Variants in FADS3 observed in about 807,000 individuals in gnomAD.
FADS3 encodes fatty acid desaturase 3.
Under a neutral mutation model 60.4 loss-of-function variants are expected in FADS3, and 30 were observed. That is an observed-to-expected ratio of 0.50 (90% CI 0.37 to 0.67). The LOEUF is 0.67. FADS3 is among the 30% of genes least tolerant of loss of function. The pLI is 0.00. For missense variants in FADS3, 432 were observed against 598.3 expected (o/e 0.72, Z 2.90); for synonymous variants, 234 against 249.3 (o/e 0.94, Z 0.58).
intron 3 of FADS3, 84 bp downstream of exon 3, chr11:61,879,228 G>T: frequency 2.5e-6 from 3 of 1,215,344 alleles, no homozygotes; most frequent in Non-Finnish European, 1.2e-6. Flanking sequence ...CATTCATTTA[G>T]CAAATATGTT....
At chr11:61,888,929 CTT>C (rs1320465245) in intron 1 of FADS3, among the ~76,000 whole-genome samples, 1 of 152,174 alleles carries the variant, frequency 6.6e-6, no homozygotes, top group Non-Finnish European at 1.5e-5. Context: ...GAGTTTTGCT[CTT>C]GTTGCCCAGG....
chr11:61,885,563 C>G (rs1938286614), intron 1 of FADS3, among the ~76,000 whole-genome samples: 1 of 152,208 alleles, frequency 6.6e-6, no homozygotes, highest in African/African-American at 2.4e-5. Flanking sequence ...AGTGGAGAAG[C>G]TGCTTCTCTG....
intron 11 of FADS3, among the ~76,000 whole-genome samples, chr11:61,874,593 G>C (rs1937799448): frequency 6.6e-6 from 1 of 152,166 alleles, no homozygotes; most frequent in Non-Finnish European, 1.5e-5. Context: ...AGCTTTCCAA[G>C]ATGCAAGCCG....
In FADS3 at chr11:61,876,427, T is replaced by C. The variant is rs1258014811; in HGVS notation, c.1012A>G (p.Ile338Val). Residue 338 changes from isoleucine (I) to valine (V), a missense_variant, in exon 9 of 12, where the codon ATC (isoleucine) becomes GTC (valine). Around this residue, in one of 5 missense-constraint regions of FADS3, gnomAD observed 48 missense variants for 101.3 expected, o/e 0.47. Coordinates refer to ENST00000278829, the MANE Select transcript of FADS3 (RefSeq NM_021727.5). This position sits in a 1 kb window ranked among gnomAD's most constrained non-coding sequence, Gnocchi z 5.7. ...RVLESHWFVW[I>V]TQMNHIPKEI... ...TTGGGGATGTGGTTCATCTGTGTGA[T>C]CCACACGAACCAGTGGCTTTCCAGG... The C allele has an allele frequency of 6.2e-7, 1 of 1,613,296 alleles. No individual in the cohort carries two copies. The highest frequency in any genetic ancestry group is 8.5e-7 in the Non-Finnish European group (1 of 1,180,014).
At chr11:61,878,420 G>A (rs174452) in intron 5 of FADS3, 92 bp downstream of exon 5, 132,742 of 1,535,722 alleles carry the variant, frequency 0.086, 6,680 homozygotes, top group Non-Finnish European at 0.1. Flanking sequence ...CCAGATCAGG[G>A]GCTAGGTCAG....
At chr11:61,880,271 G>A (rs1006165786) in intron 1 of FADS3, 120 bp from the exon 2 acceptor site, 5 of 728,872 alleles carry the variant, frequency 6.9e-6, no homozygotes, top group Admixed American at 4.7e-5. Context: ...AGGCGGACAG[G>A]AAGTCAGCCG....
chr11:61,878,788 C>T lies in FADS3; in HGVS notation c.582G>A (p.Trp194Ter). Residue 194 changes from tryptophan to a stop codon, truncating the protein, a stop_gained, in exon 4 of 12, where the codon TGG (tryptophan) becomes TGA (stop). Coordinates refer to ENST00000278829, the MANE Select transcript of FADS3 (RefSeq NM_021727.5). LOFTEE classifies it high-confidence loss of function. ...CGAACTTCTGGGCCACGTGGTTCCA[C>T]CAGGACTTCTTGAAGATGGAGGCAT... ...LGHASIFKKS[W>*]WNHVAQKFVM... 1 of 1,614,206 alleles carries T rather than the reference C, an allele frequency of 6.2e-7. No individual in the cohort carries two copies. The highest frequency in any genetic ancestry group is 8.5e-7 in the Non-Finnish European group (1 of 1,180,048).
intron 1 of FADS3, among the ~76,000 whole-genome samples, chr11:61,886,878 G>C (rs974779791): frequency 9.8e-5 from 15 of 152,330 alleles, no homozygotes; most frequent in Non-Finnish European, 1.8e-4. Flanking sequence ...TCCAGCTCAG[G>C]CCAGGCTCAG....
intron 2 of FADS3, 101 bp downstream of exon 2, chr11:61,879,940 G>C (rs1938065586): frequency 2.1e-6 from 2 of 944,644 alleles, no homozygotes; most frequent in South Asian, 3.3e-5. Flanking sequence ...CCCCTTGGGC[G>C]AATGCCGAGG....
intron 11 of FADS3, among the ~76,000 whole-genome samples, chr11:61,874,219 C>G (rs1324372716): frequency 6.6e-6 from 1 of 152,220 alleles, no homozygotes; most frequent in African/African-American, 2.4e-5. Context: ...TGGAACCTGC[C>G]CACCCGATCT....
Position 61,880,115 on chromosome 11 carries a change from C to T in FADS3, c.250G>A (p.Val84Met). ...AACAGGGGCTGTAGGAACTTGCGCA[C>T]AAAATTGAGATCTTGATGGAAGGCA... is the stretch of plus-strand genomic sequence containing the variant. Reference protein sequence around the residue: ...FRAFHQDLNFVRKFLQPLLIG... With the variant: ...FRAFHQDLNFMRKFLQPLLIG... Residue 84 changes from valine to methionine, a missense_variant, in exon 2 of 12, where the codon GTG (valine) becomes ATG (methionine). Around this residue, in one of 5 missense-constraint regions of FADS3, gnomAD observed 167 missense variants for 188.8 expected, o/e 0.88. Transcript: ENST00000278829. The T allele has an allele frequency of 6.2e-7, 1 of 1,614,086 alleles. No individual in the cohort carries two copies. The highest frequency in any genetic ancestry group is 8.5e-7 in the Non-Finnish European group (1 of 1,179,976).
chr11:61,890,871 C>A lies in FADS3; in HGVS notation c.213+298G>T, dbSNP rs147856798. Among the ~76,000 whole-genome samples the A allele has an allele frequency of 5.0e-3, 755 of 152,322 alleles. 5 individuals carry two copies. Among genetic ancestry groups the A allele is most frequent in the African/African-American group, 0.017 (687 of 41,572 alleles). On this transcript the variant is annotated intron_variant, in intron 1 of 11. Coordinates refer to ENST00000278829, the MANE Select transcript of FADS3 (RefSeq NM_021727.5). ...AACTGAAACAGGGACCTGGGAGCAA[C>A]AGGGCAGCCCCTCACCCAGGGCAGG...
At chr11:61,884,297 G>A (rs1170596423) in intron 1 of FADS3, among the ~76,000 whole-genome samples, 6 of 152,070 alleles carry the variant, frequency 3.9e-5, no homozygotes, top group South Asian at 2.1e-4. Flanking sequence ...ATCACACACC[G>A]GGGCTTACTG....
In FADS3 at chr11:61,877,297, C is replaced by T. The variant is rs1264017479; in HGVS notation, c.885+214G>A. The T allele has an allele frequency of 1.2e-5, 3 of 247,642 alleles. No homozygotes were observed. In the Admixed American group the frequency reaches 1.7e-4, roughly 14 times the overall value. 15.3% of individuals were successfully genotyped at this position (247,642 alleles called of 1,614,324 possible). ...AGAGAGACCCACACCCCCCCTGTTC[C>T]TCAACCCCCCCCCACCACACGTACA... On this transcript the variant is annotated intron_variant, in intron 7 of 11. Transcript: ENST00000278829. This position sits in a 1 kb window ranked among gnomAD's most constrained non-coding sequence, Gnocchi z 4.7.
At position 61,878,646 on chromosome 11, in the gene FADS3, G is replaced by A; in HGVS notation, c.625-12C>T. On this transcript the variant is annotated splice_polypyrimidine_tract_variant and intron_variant, in intron 4 of 11. Transcript: ENST00000278829. ...TGGGCGGAGAAGCCCTGTGGAGGAG[G>A]AGGGGGCTCTCAGGGCAGGCTGTGC... The A allele has an allele frequency of 6.2e-7, 1 of 1,614,030 alleles. No individual in the cohort carries two copies. The highest frequency in any genetic ancestry group is 8.5e-7 in the Non-Finnish European group (1 of 1,179,938).
At chr11:61,878,293 TG>T in intron 5 of FADS3, 78 bp from the exon 6 acceptor site, 1 of 1,516,190 alleles carries the variant, frequency 6.6e-7, no homozygotes, top group Non-Finnish European at 9.1e-7. Flanking sequence ...CGGGGCTGGC[TG>T]GGGCCAAGGG....
intron 1 of FADS3, 151 bp from the exon 2 acceptor site, chr11:61,880,302 A>T: frequency 1.6e-6 from 1 of 611,318 alleles, no homozygotes; most frequent in South Asian, 2.0e-5. Context: ...AGTCAAAGAC[A>T]TGGGCCCTCC....
intron 3 of FADS3, 39 bp downstream of exon 3, chr11:61,879,273 T>G: frequency 6.5e-7 from 1 of 1,533,610 alleles, no homozygotes; most frequent in South Asian, 1.2e-5. Flanking sequence ...CCACGTCTGT[T>G]GGGCAGTTAA....
At chr11:61,873,992 G>A (rs1354214058) in intron 11 of FADS3, 127 bp from the exon 12 acceptor site, 4 of 631,844 alleles carry the variant, frequency 6.3e-6, no homozygotes, top group African/African-American at 1.9e-5. Context: ...TTCCCTGGGG[G>A]CAGGCAGCGA....
Sources: gnomAD v4.1 joint callset for allele counts (sites outside exome capture counted in the v4.1 genomes callset) on GRCh38, gnomAD v4.1.1 for gene constraint, gnomAD v4.1.1 regional missense constraint, Gnocchi (gnomAD v3.1) non-coding constraint, MANE v1.5 for transcripts, NCBI Gene and HGNC (gene_info 2026-07-23, HGNC 2026-07-21) for gene names.